The following NUP93 variants were observed in gnomAD, a reference collection of about 807,000 sequenced individuals.
NUP93 encodes the protein nucleoporin 93.
Under a neutral mutation model 107.8 loss-of-function variants are expected in NUP93, and 55 were observed. That is an observed-to-expected ratio of 0.51 (90% CI 0.41 to 0.64). NUP93 has a LOEUF of 0.64. Ranked by LOEUF, NUP93 falls within the 30% of genes least tolerant of loss-of-function variation. The probability of loss-of-function intolerance (pLI) is 0.00; values close to 1 mark genes in which losing one functional copy is unlikely to be tolerated. For synonymous variants in NUP93, 390 were observed against 397.5 expected (o/e 0.98, Z 0.22); for missense variants, 937 against 1,044.7 (o/e 0.90, Z 1.42).
At chr16:56,740,753 C>G (rs1320031318) in intron 1 of NUP93, 1 of 157,202 alleles carries the variant, frequency 6.4e-6, no homozygotes, top group Non-Finnish European at 1.4e-5. Flanking sequence ...ACTGAGTGAA[C>G]GAGACTCCGT....
intron 3 of NUP93, among the ~76,000 whole-genome samples, chr16:56,763,396 G>A (rs1405247001): frequency 1.3e-5 from 2 of 152,078 alleles, no homozygotes; most frequent in African/African-American, 4.8e-5. Context: ...GAAACTCTCT[G>A]CTTCTTAAAG....
intron 4 of NUP93, among the ~76,000 whole-genome samples, chr16:56,802,871 T>C (rs1385167772): frequency 6.6e-6 from 1 of 152,202 alleles, no homozygotes; most frequent in Non-Finnish European, 1.5e-5. Context: ...GGTCTGCCAA[T>C]TGGAGAATAA....
At chr16:56,768,229 C>T (rs548349179) in intron 3 of NUP93, among the ~76,000 whole-genome samples, 2 of 152,294 alleles carry the variant, frequency 1.3e-5, no homozygotes, top group East Asian at 1.9e-4. Flanking sequence ...TTCCCTGTTT[C>T]TCACCGTTGC....
At chr16:56,786,367 T>C (rs1227004474) in intron 3 of NUP93, among the ~76,000 whole-genome samples, 1 of 152,210 alleles carries the variant, frequency 6.6e-6, no homozygotes, top group East Asian at 1.9e-4. Context: ...GCAGTCGATT[T>C]TGCCCTAAAT....
At chr16:56,747,930 CTG>C (rs1468897802) in intron 1 of NUP93, 2 of 185,448 alleles carry the variant, frequency 1.1e-5, no homozygotes, top group African/African-American at 4.7e-5. Flanking sequence ...TGCTTTGAGT[CTG>C]TGGAAGGAGA....
chr16:56,789,780 TTAAAG>T (rs1477847273), intron 3 of NUP93, among the ~76,000 whole-genome samples: 1 of 152,242 alleles, frequency 6.6e-6, no homozygotes, highest in Admixed American at 6.5e-5. Flanking sequence ...AACAAACAAT[TTAAAG>T]TATTAAAATT....
chr16:56,783,901 G>A (rs1962569376), intron 3 of NUP93: 1 of 985,262 alleles, frequency 1.0e-6, no homozygotes, highest in Non-Finnish European at 1.2e-6. Context: ...CATATAGCAG[G>A]GAGAGGTTGA....
chr16:56,773,228 C>T (rs917265409), intron 3 of NUP93, among the ~76,000 whole-genome samples: 2 of 152,204 alleles, frequency 1.3e-5, no homozygotes, highest in African/African-American at 4.8e-5. Context: ...GAAAAGAAGA[C>T]ATTTGGTTGC....
chr16:56,804,637 G>A (rs925013415), intron 4 of NUP93, among the ~76,000 whole-genome samples: 12 of 152,106 alleles, frequency 7.9e-5, no homozygotes, highest in African/African-American at 1.2e-4. Flanking sequence ...GGCTGGGCAC[G>A]GTGGCTCACA....
intron 2 of NUP93, among the ~76,000 whole-genome samples, chr16:56,749,171 G>T (rs1567375147): frequency 1.3e-5 from 2 of 152,192 alleles, no homozygotes; most frequent in African/African-American, 2.4e-5. Context: ...TTGCTCTCAA[G>T]GAGCTTATAA....
chr16:56,794,711 G>A lies in NUP93; in HGVS notation c.298-3765G>A, dbSNP rs1446063131. On this transcript the variant is annotated intron_variant, in intron 3 of 21. Coordinates refer to ENST00000308159, the MANE Select transcript of NUP93 (RefSeq NM_014669.5). ...TGGGAGGCCGAGGCGGGTGGATCAC[G>A]AGGTCAGGAGATCGAGACCATCCTG... is the stretch of plus-strand genomic sequence containing the variant. Among the ~76,000 whole-genome samples, 5 of 151,782 alleles carry A rather than the reference G, an allele frequency of 3.3e-5. No homozygotes were observed. The East Asian group carries it at 7.8e-4, about 24-fold the overall frequency.
chr16:56,825,103 C>A lies in NUP93; in HGVS notation c.794+1257C>A, dbSNP rs372574186. Among the ~76,000 whole-genome samples the A allele has an allele frequency of 4.8e-4, 72 of 150,798 alleles. 1 individual carries two copies. The South Asian group carries it at 0.015, about 32-fold the overall frequency. ...AGACAGTCTGGCTCTGTCACCCATG[C>A]TGGAGTGCAGTGGCATAATCTGGGC... On this transcript the variant is annotated intron_variant, in intron 8 of 21. Transcript: ENST00000308159.
intron 17 of NUP93, 56 bp from the exon 18 acceptor site, chr16:56,837,546 ATAGTTG>A (rs1431944281): frequency 7.6e-7 from 1 of 1,319,484 alleles, no homozygotes; most frequent in Non-Finnish European, 1.1e-6. Flanking sequence ...GGGGCATTAT[ATAGTTG>A]TTCCTTTTAT....
At chr16:56,746,002 T>C (rs1961814987) in intron 1 of NUP93, among the ~76,000 whole-genome samples, 2 of 152,242 alleles carry the variant, frequency 1.3e-5, no homozygotes. Context: ...TCTTCCTTTA[T>C]CTTTTTTTGT....
chr16:56,793,564 C>T (rs1042772517), intron 3 of NUP93, among the ~76,000 whole-genome samples: 2 of 152,008 alleles, frequency 1.3e-5, no homozygotes, highest in African/African-American at 4.8e-5. Context: ...CTGGGTGAGG[C>T]ATGAGAGGCG....
At chr16:56,829,681 A>C (rs1369208366) in intron 9 of NUP93, among the ~76,000 whole-genome samples, 1 of 152,224 alleles carries the variant, frequency 6.6e-6, no homozygotes, top group Admixed American at 6.6e-5. Flanking sequence ...AGGAGGTAAC[A>C]CATGCACAAA....
In NUP93 at chr16:56,834,423, T is replaced by C. The variant is rs1213693456; in HGVS notation, c.1718T>C (p.Leu573Pro). 11 of 1,614,122 alleles carry C rather than the reference T, an allele frequency of 6.8e-6. No individual in the cohort carries two copies. The highest frequency in any genetic ancestry group is 6.7e-5 in the Admixed American group (4 of 60,002). ...ENMFLRCVSE[L>P]VIESREFDMI... ...ATGTTTCTGCGCTGTGTGAGTGAGC[T>C]TGTGATTGAAAGCCGAGAGGTGAGT... Residue 573 changes from leucine to proline, a missense_variant, in exon 15 of 22, where the codon CTT (leucine) becomes CCT (proline). By Grantham distance (98) the Leu-to-Pro change is moderately conservative (BLOSUM62 -3). Transcript: ENST00000308159.
chr16:56,816,897 G>A (rs1347101439), intron 5 of NUP93, among the ~76,000 whole-genome samples: 1 of 152,138 alleles, frequency 6.6e-6, no homozygotes, highest in African/African-American at 2.4e-5. Context: ...TGGCTGTTAA[G>A]AAACATTTAC....
intron 12 of NUP93, among the ~76,000 whole-genome samples, chr16:56,832,678 G>T (rs1238387615): frequency 2.0e-5 from 3 of 152,214 alleles, no homozygotes; most frequent in Non-Finnish European, 4.4e-5. Context: ...AGACTTAGCT[G>T]TTGCTTCCTA....
Sources: allele counts gnomAD v4.1 joint callset (sites outside exome capture counted in the v4.1 genomes callset), GRCh38; gene constraint gnomAD v4.1.1; transcripts MANE v1.5; gene names NCBI Gene and HGNC (gene_info 2026-07-23, HGNC 2026-07-21).